MARK1: variants seen among roughly 807,000 people sequenced by gnomAD.
The protein encoded by MARK1 is microtubule affinity regulating kinase 1.
A neutral mutation model predicts 96.3 loss-of-function variants in MARK1; 40 were observed. That is an observed-to-expected ratio of 0.42 (90% confidence interval 0.32 to 0.54). The LOEUF (loss-of-function observed/expected upper bound fraction) is 0.54. Ranked by LOEUF, MARK1 falls within the 20% of genes least tolerant of loss-of-function variation. The pLI, the probability that MARK1 is intolerant of heterozygous loss-of-function variation, is 0.16. For synonymous variants in MARK1, 317 were observed against 341.2 expected, an observed-to-expected ratio of 0.93 and a Z score of 0.78; for missense variants, 719 against 984.6, an observed-to-expected ratio of 0.73 and a Z score of 3.61.
chr1:220,651,735 T>C (rs2103054712), intron 14 of MARK1, among the ~76,000 whole-genome samples: 1 of 152,306 alleles, frequency 6.6e-6, no homozygotes, highest in East Asian at 1.9e-4. Flanking sequence ...CTTTCTCACA[T>C]TTACATACAT....
chr1:220,650,557 A>T (rs974088785), intron 13 of MARK1, 63 bp from the exon 14 acceptor site: 1 of 1,074,512 alleles, frequency 9.3e-7, no homozygotes, highest in East Asian at 2.4e-5. Context: ...GCTTAAATAC[A>T]TTTCTTTGGC....
intron 13 of MARK1, among the ~76,000 whole-genome samples, chr1:220,642,106 G>C (rs1668305532): frequency 6.6e-6 from 1 of 152,184 alleles, no homozygotes; most frequent in African/African-American, 2.4e-5. Context: ...CGTGGAAAGG[G>C]GGCTGAAGCC....
At chr1:220,540,017 T>C (rs909162157) in intron 1 of MARK1, among the ~76,000 whole-genome samples, 1 of 152,216 alleles carries the variant, frequency 6.6e-6, no homozygotes, top group Non-Finnish European at 1.5e-5. Flanking sequence ...CTTATCGTTG[T>C]TGGAAGGTTT....
chr1:220,633,690 G>A (rs1667795269), intron 11 of MARK1, among the ~76,000 whole-genome samples: 2 of 152,194 alleles, frequency 1.3e-5, no homozygotes, highest in Admixed American at 1.3e-4. Context: ...TGTGTGACAT[G>A]TAAGAAGTAG....
chr1:220,534,586 T>C (rs1345809669), intron 1 of MARK1, among the ~76,000 whole-genome samples: 1 of 152,132 alleles, frequency 6.6e-6, no homozygotes, highest in Non-Finnish European at 1.5e-5. Context: ...ACCTCCAATT[T>C]CATCCATAGG....
intron 9 of MARK1, among the ~76,000 whole-genome samples, chr1:220,629,312 T>C (rs1221359470): frequency 6.6e-6 from 1 of 151,960 alleles, no homozygotes; most frequent in Admixed American, 6.6e-5. Flanking sequence ...CAGTTTTCCA[T>C]TGCCTGACCA....
At chr1:220,601,635 T>G (rs1665754397) in intron 5 of MARK1, among the ~76,000 whole-genome samples, 1 of 152,340 alleles carries the variant, frequency 6.6e-6, no homozygotes, top group South Asian at 2.1e-4. Context: ...ATACCCACTT[T>G]GATATGGGAA....
intron 3 of MARK1, among the ~76,000 whole-genome samples, chr1:220,582,486 T>TAGA (rs1405436523): frequency 2.6e-5 from 4 of 152,164 alleles, no homozygotes; most frequent in Non-Finnish European, 5.9e-5. Flanking sequence ...CCACTTAAAA[T>TAGA]GCACAAACTG....
At chr1:220,656,573 T>A (rs76088212) in intron 16 of MARK1, among the ~76,000 whole-genome samples, 1 of 152,346 alleles carries the variant, frequency 6.6e-6, no homozygotes, top group Non-Finnish European at 1.5e-5. Flanking sequence ...TATCAGTTCA[T>A]CTACATGTAA....
chr1:220,606,506 C>T (rs533872536), intron 6 of MARK1, among the ~76,000 whole-genome samples: 18 of 152,130 alleles, frequency 1.2e-4, no homozygotes, highest in Non-Finnish European at 1.6e-4. Context: ...TTTCTTTTGC[C>T]GTGCAGAAGC....
intron 1 of MARK1, among the ~76,000 whole-genome samples, chr1:220,576,421 C>CA (rs10710315): frequency 0.021 from 2,864 of 138,554 alleles, 91 homozygotes; most frequent in African/African-American, 0.074. Flanking sequence ...TTTTATTGGC[C>CA]AAAAAAAAAA....
chr1:220,638,209 GTC>G (rs757024580), intron 13 of MARK1, among the ~76,000 whole-genome samples: 12 of 151,502 alleles, frequency 7.9e-5, no homozygotes, highest in Non-Finnish European at 1.2e-4. Flanking sequence ...GAAATAATTG[GTC>G]CCGTACTTTC....
chr1:220,570,065 G>A (rs1663335679), intron 1 of MARK1, among the ~76,000 whole-genome samples: 1 of 152,090 alleles, frequency 6.6e-6, no homozygotes, highest in Admixed American at 6.6e-5. Context: ...GTGCAAGGAT[G>A]TAAGAAACAA....
intron 13 of MARK1, among the ~76,000 whole-genome samples, chr1:220,649,220 A>C: frequency 6.7e-6 from 1 of 150,304 alleles, no homozygotes. Flanking sequence ...AATAACATGG[A>C]CCAAGTCTTT....
At chr1:220,537,760 C>G (rs1267763012) in intron 1 of MARK1, among the ~76,000 whole-genome samples, 2 of 151,284 alleles carry the variant, frequency 1.3e-5, no homozygotes, top group African/African-American at 2.4e-5. Flanking sequence ...TGTTTCCTGA[C>G]TTTTTAATGA....
At chr1:220,545,672 C>G (rs762558490) in intron 1 of MARK1, among the ~76,000 whole-genome samples, 3 of 151,976 alleles carry the variant, frequency 2.0e-5, no homozygotes, top group Non-Finnish European at 4.4e-5. Flanking sequence ...CTCTTGGGCT[C>G]AAGCGAGCCA....
chr1:220,548,704 C>G (rs1357866636), intron 1 of MARK1, among the ~76,000 whole-genome samples: 1 of 151,930 alleles, frequency 6.6e-6, no homozygotes, highest in East Asian at 1.9e-4. Context: ...TGCGGTGAGC[C>G]GAGATTGTGC....
chr1:220,537,091 G>A (rs964382171), intron 1 of MARK1, among the ~76,000 whole-genome samples: 2 of 140,790 alleles, frequency 1.4e-5, no homozygotes, highest in African/African-American at 5.2e-5. Context: ...CTATCACCTA[G>A]TTTTTTTTTT....
intron 1 of MARK1, among the ~76,000 whole-genome samples, chr1:220,567,490 A>T (rs2102797633): frequency 6.6e-6 from 1 of 152,268 alleles, no homozygotes; most frequent in Non-Finnish European, 1.5e-5. Flanking sequence ...GCCTTTTCAC[A>T]TTAAAGGCTA....
Sources: gnomAD v4.1 joint callset for allele counts (sites outside exome capture counted in the v4.1 genomes callset) on GRCh38, gnomAD v4.1.1 for gene constraint, MANE v1.5 for transcripts, NCBI Gene and HGNC (gene_info 2026-07-23, HGNC 2026-07-21) for gene names.